CCDC9: variants seen among roughly 807,000 people sequenced by gnomAD.
CCDC9 encodes coiled-coil domain containing 9, also known as coiled-coil domain-containing protein 9.
CCDC9 carries 52 observed loss-of-function variants against 65.6 expected under a neutral mutation model. The ratio of observed to expected loss-of-function variants is 0.79; its 90% CI spans 0.63 to 1.00. The LOEUF (loss-of-function observed/expected upper bound fraction) is 1.00. Ranked by LOEUF, CCDC9 falls within the 50% of genes least tolerant of loss-of-function variation. The pLI is 0.00. For missense variants in CCDC9, 834 were observed against 757.2 expected, an observed-to-expected ratio of 1.10 and a Z score of -1.19; for synonymous variants, 332 against 280.3, an observed-to-expected ratio of 1.18 and a Z score of -1.84.
downstream of CCDC9, chr19:47,273,907 G>A (rs1022149499): frequency 4.3e-6 from 4 of 926,014 alleles, no homozygotes; most frequent in African/African-American, 5.3e-5. Context: ...GGCGGAAGAG[G>A]CGGAAGGAAG....
Position 47,265,247 on chromosome 19 carries a change from G to A in CCDC9, c.720+301G>A, listed in dbSNP as rs529777876. Among the ~76,000 whole-genome samples the A allele has an allele frequency of 3.3e-5, 5 of 152,250 alleles. No individual in the cohort carries two copies. The South Asian group carries it at 8.3e-4, about 25-fold the overall frequency. ...TTTTTTCGTATTTTGTAGAGACGGG[G>A]TTTCACCATGTTGGCCAGGCTAGTC... On this transcript the variant is annotated intron_variant, in intron 7 of 11. Coordinates refer to ENST00000221922, the MANE Select transcript of CCDC9 (RefSeq NM_015603.3).
chr19:47,274,635 T>G, downstream of CCDC9: 7 of 172,934 alleles, frequency 4.0e-5, no homozygotes, highest in East Asian at 1.3e-4. Flanking sequence ...AGAACCGTGT[T>G]GTGGCGGGAG....
chr19:47,275,004 C>A (rs1221668382), downstream of CCDC9: 1 of 1,476,234 alleles, frequency 6.8e-7, no homozygotes, highest in Non-Finnish European at 8.9e-7. Flanking sequence ...GCGCTGGCTG[C>A]GCTTGGCTCC....
intron 3 of CCDC9, among the ~76,000 whole-genome samples, chr19:47,259,158 G>A (rs1347897239): frequency 6.6e-6 from 1 of 152,224 alleles, no homozygotes; most frequent in Non-Finnish European, 1.5e-5. Flanking sequence ...CAGGCAGAAA[G>A]AACAGTTTGT....
At chr19:47,267,854 T>TA (rs1240227701) in intron 8 of CCDC9, among the ~76,000 whole-genome samples, 8 of 151,954 alleles carry the variant, frequency 5.3e-5, no homozygotes, top group African/African-American at 1.5e-4. Context: ...TTTTTTTTTT[T>TA]ACTTTTTTTT....
At chr19:47,265,050 GC>G in intron 7 of CCDC9, 104 bp downstream of exon 7, 1 of 1,045,878 alleles carries the variant, frequency 9.6e-7, no homozygotes, top group Non-Finnish European at 1.3e-6. Context: ...CCTTTTTTGT[GC>G]CACAGCACAG....
chr19:47,274,959 C>A, downstream of CCDC9: 1 of 1,394,526 alleles, frequency 7.2e-7, no homozygotes, highest in South Asian at 1.6e-5. Flanking sequence ...CGCCGAGAGC[C>A]CCGGAGGCGC....
At chr19:47,270,805 C>T (rs1600291154) in intron 10 of CCDC9, 117 bp downstream of exon 10, 1 of 1,231,332 alleles carries the variant, frequency 8.1e-7, no homozygotes, top group Non-Finnish European at 1.1e-6. Flanking sequence ...TGTCTTGGCC[C>T]TGTCTATCTC....
chr19:47,261,194 G>T (rs1303335448), intron 5 of CCDC9, among the ~76,000 whole-genome samples: 2 of 150,998 alleles, frequency 1.3e-5, no homozygotes, highest in East Asian at 2.0e-4. Context: ...CCTTTTTCTC[G>T]CTCTCTGGTG....
At chr19:47,259,634 C>T (rs1222169497) in intron 3 of CCDC9, among the ~76,000 whole-genome samples, 5 of 152,144 alleles carry the variant, frequency 3.3e-5, no homozygotes, top group South Asian at 2.1e-4. Flanking sequence ...TTTATTCATT[C>T]TTCATGTATT....
intron 5 of CCDC9, among the ~76,000 whole-genome samples, chr19:47,261,855 T>C (rs2059048125): frequency 6.7e-6 from 1 of 150,078 alleles, no homozygotes; most frequent in South Asian, 2.1e-4. Flanking sequence ...ACCCCATCTC[T>C]ACTAAAAGTA....
chr19:47,273,371 G>A (rs1479215174), downstream of CCDC9: 5 of 1,231,814 alleles, frequency 4.1e-6, no homozygotes, highest in Non-Finnish European at 5.1e-6. Context: ...AGGCCCCGAA[G>A]GCCAGGAGAC....
chr19:47,273,902 A>G (rs1600296437), downstream of CCDC9: 1 of 901,272 alleles, frequency 1.1e-6, no homozygotes, highest in Non-Finnish European at 1.3e-6. Flanking sequence ...TCTGTGGCGG[A>G]AGAGGCGGAA....
At chr19:47,257,117 GC>G (rs2059015393) in intron 1 of CCDC9, among the ~76,000 whole-genome samples, 3 of 151,528 alleles carry the variant, frequency 2.0e-5, no homozygotes, top group Admixed American at 2.0e-4. Flanking sequence ...TGAGCCACGG[GC>G]GCGGCCAGAG....
downstream of CCDC9, chr19:47,272,131 G>C (rs576793567): frequency 3.2e-6 from 4 of 1,236,930 alleles, no homozygotes; most frequent in East Asian, 1.3e-4. Context: ...AACCCAGGAA[G>C]CTGAAGAGGA....
chr19:47,275,613 C>G (rs1414851287), downstream of CCDC9: 1 of 513,100 alleles, frequency 1.9e-6, no homozygotes, highest in Non-Finnish European at 3.5e-6. Flanking sequence ...CTGTGGGATG[C>G]TGAGCACAGA....
intron 5 of CCDC9, among the ~76,000 whole-genome samples, 186 bp downstream of exon 5, chr19:47,261,025 A>G (rs1600278558): frequency 7.0e-6 from 1 of 143,340 alleles, no homozygotes; most frequent in South Asian, 2.2e-4. Flanking sequence ...CCCCTCTTCT[A>G]GTTCCCCCTG....
At chr19:47,274,848 C>G (rs2059146355), downstream of CCDC9, 1 of 811,946 alleles carries the variant, frequency 1.2e-6, no homozygotes, top group South Asian at 6.3e-5. Context: ...GGGCGGTCTG[C>G]GGGGTGGGGG....
At chr19:47,266,987 C>T (rs959003969) in intron 8 of CCDC9, among the ~76,000 whole-genome samples, 195 bp downstream of exon 8, 8 of 151,692 alleles carry the variant, frequency 5.3e-5, no homozygotes, top group South Asian at 2.1e-4. Context: ...TTTTTTGAGA[C>T]GGAGTCTCGC....
Sources: allele counts gnomAD v4.1 joint callset (sites outside exome capture counted in the v4.1 genomes callset), GRCh38; gene constraint gnomAD v4.1.1; transcripts MANE v1.5; gene names NCBI Gene and HGNC (gene_info 2026-07-23, HGNC 2026-07-21).